The following TRIP4 variants were observed in gnomAD, a reference collection of about 807,000 sequenced individuals.
The protein encoded by TRIP4 is thyroid hormone receptor interactor 4, also known as activating signal cointegrator 1.
Under a neutral mutation model 81.8 loss-of-function variants are expected in TRIP4, and 54 were observed. The observed-to-expected ratio is 0.66, with a 90% CI of 0.53 to 0.83. The LOEUF is 0.83. TRIP4 is among the 40% of genes least tolerant of loss of function. The pLI is 0.00. For synonymous variants in TRIP4, 270 were observed against 242.8 expected (o/e 1.11, Z -1.04); for missense variants, 662 against 683.6 (o/e 0.97, Z 0.35).
intron 11 of TRIP4, among the ~76,000 whole-genome samples, chr15:64,433,830 G>A (rs1458659046): frequency 6.6e-6 from 1 of 152,172 alleles, no homozygotes; most frequent in African/African-American, 2.4e-5. Context: ...GCTGTGGCCC[G>A]TGGGATGCAT....
rs183230473 is a variant in TRIP4, at chr15:64,424,107, C to G, written c.1435C>G (p.Gln479Glu). Reference sequence around the variant, plus strand: ...AGCCACAGCTAAAAAACCCTCCCCTCAAGAAGTCTCAGAACTCCAGGCTAC... The same window carrying G: ...AGCCACAGCTAAAAAACCCTCCCCTGAAGAAGTCTCAGAACTCCAGGCTAC... ...IAATAKKPSP[Q>E]EVSELQATYR... The change falls in exon 10 of 13, where the codon CAA (glutamine) becomes GAA (glutamate). Residue 479 changes from glutamine to glutamate, a missense_variant. By Grantham distance (29) the Gln-to-Glu change is conservative. Coordinates refer to ENST00000261884, the MANE Select transcript of TRIP4 (RefSeq NM_016213.5). The G allele has an allele frequency of 1.2e-6, 2 of 1,614,196 alleles. No individual in the cohort carries two copies. The highest frequency in any genetic ancestry group is 2.7e-5 in the African/African-American group (2 of 75,046).
In TRIP4 at chr15:64,444,977, C is replaced by A; in HGVS notation, c.1576-29C>A. ...TAAATTCAAAGCTTGTCCCAACTAT[C>A]CTGAACTTTTTATTTTTATATTTCA... On this transcript the variant is annotated intron_variant, in intron 11 of 12. Transcript: ENST00000261884. 3.9e-6 allele frequency: 5 copies of A among 1,267,002 alleles called. No homozygotes were observed. The South Asian group carries it at 6.4e-5, about 16-fold the overall frequency. 78.5% of individuals were successfully genotyped at this position (1,267,002 alleles called of 1,614,324 possible).
At chr15:64,427,501 A>G (rs560808106) in intron 11 of TRIP4, among the ~76,000 whole-genome samples, 2 of 151,972 alleles carry the variant, frequency 1.3e-5, no homozygotes, top group East Asian at 1.9e-4. Context: ...TCAGCCTCCC[A>G]GTAGCTGGGA....
chr15:64,417,644 T>A (rs1261412951), intron 8 of TRIP4, among the ~76,000 whole-genome samples: 1 of 152,194 alleles, frequency 6.6e-6, no homozygotes, highest in East Asian at 1.9e-4. Flanking sequence ...TCTCTATTCT[T>A]TTTATATGAT....
chr15:64,413,146 G>A (rs1460894600), intron 7 of TRIP4, among the ~76,000 whole-genome samples: 10 of 152,088 alleles, frequency 6.6e-5, no homozygotes, highest in African/African-American at 1.2e-4. Context: ...GTTGTATTGC[G>A]AAGATGAGCT....
intron 3 of TRIP4, 140 bp downstream of exon 3, chr15:64,395,671 C>A: frequency 4.5e-6 from 4 of 888,986 alleles, no homozygotes; most frequent in Admixed American, 2.8e-5. Context: ...GAAAAAGTTA[C>A]ATATACTCCT....
intron 4 of TRIP4, 23 bp from the exon 5 acceptor site, chr15:64,400,720 G>C: frequency 6.3e-7 from 1 of 1,592,772 alleles, no homozygotes; most frequent in Non-Finnish European, 8.6e-7. Context: ...TGGATCACAT[G>C]TCTTACTCTT....
chr15:64,423,805 T>C (rs574233126), intron 9 of TRIP4, among the ~76,000 whole-genome samples: 1 of 152,322 alleles, frequency 6.6e-6, no homozygotes, highest in East Asian at 1.9e-4. Flanking sequence ...GAGAGATGAC[T>C]TGTCGCTATT....
At chr15:64,430,237 A>G (rs76942298) in intron 11 of TRIP4, among the ~76,000 whole-genome samples, 1,989 of 152,310 alleles carry the variant, frequency 0.013, 34 homozygotes, top group African/African-American at 0.046. Flanking sequence ...TAGATCCTCA[A>G]CCCTCCTGAG....
intron 5 of TRIP4, among the ~76,000 whole-genome samples, chr15:64,403,195 C>T (rs1005145266): frequency 5.9e-5 from 9 of 151,544 alleles, no homozygotes; most frequent in Non-Finnish European, 8.8e-5. Context: ...CTCGCTCTTT[C>T]GCCCGGGCTG....
At chr15:64,437,649 C>T (rs993424866) in intron 11 of TRIP4, among the ~76,000 whole-genome samples, 6 of 151,880 alleles carry the variant, frequency 4.0e-5, no homozygotes, top group Admixed American at 2.6e-4. Flanking sequence ...CACGCCACCA[C>T]GTTTAGCTAA....
At chr15:64,420,841 T>A (rs908632356) in intron 9 of TRIP4, among the ~76,000 whole-genome samples, 8 of 152,108 alleles carry the variant, frequency 5.3e-5, no homozygotes, top group Admixed American at 5.2e-4. Context: ...CATTTCTTAT[T>A]TTTTTCTATT....
chr15:64,403,368 C>T (rs1042414999), intron 5 of TRIP4, among the ~76,000 whole-genome samples: 3 of 151,666 alleles, frequency 2.0e-5, no homozygotes, highest in African/African-American at 7.3e-5. Context: ...TGTTGGTTGG[C>T]CATGGTGGTC....
At chr15:64,390,139 GTATTA>G (rs1390365590) in intron 1 of TRIP4, among the ~76,000 whole-genome samples, 4 of 146,592 alleles carry the variant, frequency 2.7e-5, no homozygotes, top group African/African-American at 1.0e-4. Flanking sequence ...TTAAATATGT[GTATTA>G]TATTAAATAC....
chr15:64,434,916 C>T (rs1007917711), intron 11 of TRIP4, among the ~76,000 whole-genome samples: 1 of 151,912 alleles, frequency 6.6e-6, no homozygotes, highest in African/African-American at 2.4e-5. Flanking sequence ...AACTTATCTT[C>T]TAATTTAAGA....
At chr15:64,406,216 T>C in intron 5 of TRIP4, 114 bp from the exon 6 acceptor site, 1 of 1,329,180 alleles carries the variant, frequency 7.5e-7, no homozygotes, top group South Asian at 1.4e-5. Flanking sequence ...AAATGAAGGC[T>C]CCAGGCCATC....
chr15:64,418,768 A>G, intron 9 of TRIP4, 40 bp downstream of exon 9: 2 of 1,520,148 alleles, frequency 1.3e-6, no homozygotes, highest in South Asian at 2.6e-5. Context: ...AAGATCTTAG[A>G]GTGACATAAA....
In TRIP4 at chr15:64,395,393, T is replaced by C; in HGVS notation, c.272-5T>C. 2 of 1,598,940 alleles carry C rather than the reference T, an allele frequency of 1.3e-6. No individual in the cohort carries two copies. The highest frequency in any genetic ancestry group is 1.7e-6 in the Non-Finnish European group (2 of 1,175,552). ...GTGTGTATTTTTTTTTTTCTATCTT[T>C]AAAGAAATTTTAGATGGGCAGAAAT... On this transcript the variant is annotated splice_region_variant and splice_polypyrimidine_tract_variant and intron_variant, in intron 2 of 12. Transcript: ENST00000261884.
chr15:64,425,463 G>T, intron 10 of TRIP4, 77 bp from the exon 11 acceptor site: 1 of 1,230,482 alleles, frequency 8.1e-7, no homozygotes, highest in Non-Finnish European at 1.2e-6. Flanking sequence ...TGTTTGTTCA[G>T]AATTGAAAAC....
Sources: gnomAD v4.1 joint callset for allele counts (sites outside exome capture counted in the v4.1 genomes callset) on GRCh38, gnomAD v4.1.1 for gene constraint, MANE v1.5 for transcripts, NCBI Gene and HGNC (gene_info 2026-07-23, HGNC 2026-07-21) for gene names.